Variants in RBMS3 observed in about 807,000 individuals in gnomAD.
The protein encoded by RBMS3 is RNA binding motif single stranded interacting protein 3.
RBMS3 carries 27 observed loss-of-function variants against 66.8 expected under a neutral mutation model. That is an observed-to-expected ratio of 0.40 (90% confidence interval 0.30 to 0.56). The LOEUF is 0.56. Ranked by LOEUF, RBMS3 falls within the 20% of genes least tolerant of loss-of-function variation. RBMS3 has a pLI of 0.40. For missense variants in RBMS3, 513 were observed against 549.5 expected (o/e 0.93, Z 0.66); for synonymous variants, 188 against 183.0 (o/e 1.03, Z -0.22).
At chr3:29,646,040 A>C (rs970784896) in intron 4 of RBMS3, among the ~76,000 whole-genome samples, 1 of 152,228 alleles carries the variant, frequency 6.6e-6, no homozygotes. Context: ...CAAGCCTGCT[A>C]TCATCTTCGA....
At chr3:29,839,098 T>A (rs1359253642) in intron 6 of RBMS3, among the ~76,000 whole-genome samples, 2 of 152,176 alleles carry the variant, frequency 1.3e-5, no homozygotes, top group Non-Finnish European at 2.9e-5. Flanking sequence ...GGATTGTTAA[T>A]ACATTTTTCA....
rs140988200 is a variant in RBMS3, at chr3:29,399,629, G to A, written c.76-35114G>A. Among the ~76,000 whole-genome samples, 305 of 152,280 alleles carry A rather than the reference G, an allele frequency of 2.0e-3. 1 individual carries two copies. The highest frequency in any genetic ancestry group is 6.9e-3 in the African/African-American group (286 of 41,568). On this transcript the variant is annotated intron_variant, in intron 1 of 14. Coordinates refer to ENST00000383767, the MANE Select transcript of RBMS3 (RefSeq NM_001003793.3). ...CATCAATGTCCTGAATTTTGCCCAT[G>A]TTAAAGGCTTCAGTAAAGCCAAAGG...
chr3:29,513,645 C>A (rs984083717), intron 3 of RBMS3, among the ~76,000 whole-genome samples: 4 of 151,904 alleles, frequency 2.6e-5, no homozygotes, highest in African/African-American at 7.3e-5. Context: ...TTAGAATGAT[C>A]TATATATATA....
intron 1 of RBMS3, among the ~76,000 whole-genome samples, chr3:29,371,168 T>C (rs2125602069): frequency 6.6e-6 from 1 of 152,366 alleles, no homozygotes; most frequent in Non-Finnish European, 1.5e-5. Context: ...CTGACAAAGC[T>C]GTTCACTCAT....
intron 6 of RBMS3, among the ~76,000 whole-genome samples, chr3:29,791,710 G>A (rs1173436270): frequency 6.6e-6 from 1 of 151,976 alleles, no homozygotes; most frequent in Admixed American, 6.6e-5. Flanking sequence ...ACCAAGACAG[G>A]ACCTCTTCCT....
At chr3:29,674,422 A>G (rs543617153) in intron 4 of RBMS3, among the ~76,000 whole-genome samples, 6 of 152,184 alleles carry the variant, frequency 3.9e-5, no homozygotes, top group Non-Finnish European at 7.4e-5. Context: ...GGCGGGAGAA[A>G]GAAAGAAAGG....
intron 4 of RBMS3, among the ~76,000 whole-genome samples, chr3:29,737,630 T>C (rs1331351362): frequency 6.6e-6 from 1 of 152,208 alleles, no homozygotes; most frequent in East Asian, 1.9e-4. Flanking sequence ...TGAAATACTA[T>C]GAACCTTGGA....
chr3:29,900,595 G>C (rs561118716), intron 10 of RBMS3, among the ~76,000 whole-genome samples: 105 of 151,784 alleles, frequency 6.9e-4, no homozygotes, highest in African/African-American at 2.5e-3. Context: ...GTGAGGCAGG[G>C]GAAAGAGCCC....
chr3:29,528,121 T>TC (rs2045206816), intron 3 of RBMS3, among the ~76,000 whole-genome samples: 1 of 148,702 alleles, frequency 6.7e-6, no homozygotes, highest in East Asian at 2.0e-4. Context: ...TTTTTTTTTT[T>TC]TTTTTTTTTG....
At chr3:29,708,566 T>C (rs1305262312) in intron 4 of RBMS3, among the ~76,000 whole-genome samples, 3 of 152,196 alleles carry the variant, frequency 2.0e-5, no homozygotes, top group African/African-American at 7.2e-5. Flanking sequence ...TTCTTTTTCA[T>C]TGTCATTTCC....
At chr3:29,828,474 G>A (rs1422222073) in intron 6 of RBMS3, among the ~76,000 whole-genome samples, 5 of 152,152 alleles carry the variant, frequency 3.3e-5, no homozygotes. Context: ...AATGCAACAA[G>A]CATATTATCT....
At chr3:29,941,571 G>A (rs1577207985) in intron 11 of RBMS3, among the ~76,000 whole-genome samples, 1 of 151,852 alleles carries the variant, frequency 6.6e-6, no homozygotes, top group East Asian at 1.9e-4. Flanking sequence ...CCTTTGAAGG[G>A]AGTCTTATAA....
At chr3:29,669,945 C>T (rs556471913) in intron 4 of RBMS3, among the ~76,000 whole-genome samples, 53 of 152,274 alleles carry the variant, frequency 3.5e-4, no homozygotes, top group African/African-American at 1.2e-3. Flanking sequence ...TGCCAAACTT[C>T]GCATTTTCAA....
chr3:29,709,843 A>C (rs543417475), intron 4 of RBMS3, among the ~76,000 whole-genome samples: 3 of 152,244 alleles, frequency 2.0e-5, no homozygotes, highest in Non-Finnish European at 4.4e-5. Flanking sequence ...ATAATTATAT[A>C]TAATCATAGA....
At chr3:29,699,797 C>T (rs2052465527) in intron 4 of RBMS3, among the ~76,000 whole-genome samples, 1 of 152,242 alleles carries the variant, frequency 6.6e-6, no homozygotes, top group East Asian at 1.9e-4. Context: ...CTGATTTGTA[C>T]ACTAAACCAC....
rs1553600815 is a variant in RBMS3, at chr3:29,420,565, T to TTTTGTTTTG, written c.76-14175_76-14174insGTTTTGTTT. Among the ~76,000 whole-genome samples, 1,068 of 150,980 alleles carry TTTTGTTTTG rather than the reference T, an allele frequency of 7.1e-3. 5 individuals are homozygous for TTTTGTTTTG. The highest frequency in any genetic ancestry group is 9.8e-3 in the East Asian group (50 of 5,096). ...TCAGTGGTGTACTTAGGTTTGTTTT[T>TTTTGTTTTG]TTTTGTTTTGTTTTGTTTTGTTTTT... On this transcript the variant is annotated intron_variant, in intron 1 of 14. Coordinates refer to ENST00000383767, the MANE Select transcript of RBMS3 (RefSeq NM_001003793.3).
In RBMS3 at chr3:29,990,317, A is replaced by T. The variant is rs1239411358; in HGVS notation, c.1180-765A>T. Among the ~76,000 whole-genome samples the T allele has an allele frequency of 2.1e-5, 3 of 144,602 alleles. No homozygotes were observed. The Admixed American group carries it at 2.1e-4, about 10-fold the overall frequency. 94.9% of individuals were successfully genotyped at this position (144,602 alleles called of 152,430 possible). A position where few individuals can be genotyped will look rare whatever the true frequency, so the allele number is the denominator to read the frequency against. On this transcript the variant is annotated intron_variant, in intron 13 of 14. Coordinates refer to ENST00000383767, the MANE Select transcript of RBMS3 (RefSeq NM_001003793.3). ...GCAGGTATCCAGGACTACAAATAAA[A>T]CCAGGAAAATTTATCAGGATAGGTG...
At chr3:29,777,223 T>C (rs900459134) in intron 6 of RBMS3, among the ~76,000 whole-genome samples, 1 of 151,894 alleles carries the variant, frequency 6.6e-6, no homozygotes, top group Non-Finnish European at 1.5e-5. Flanking sequence ...TTAAATGCTT[T>C]TCTCCTATAC....
intron 1 of RBMS3, among the ~76,000 whole-genome samples, chr3:29,347,711 T>G (rs77143624): frequency 0.1 from 15,616 of 152,176 alleles, 915 homozygotes; most frequent in East Asian, 0.19. Context: ...AGTGGTTTGT[T>G]TTGGGAGGAG....
Sources: gnomAD v4.1 joint callset for allele counts (sites outside exome capture counted in the v4.1 genomes callset) on GRCh38, gnomAD v4.1.1 for gene constraint, MANE v1.5 for transcripts, NCBI Gene and HGNC (gene_info 2026-07-23, HGNC 2026-07-21) for gene names.